Variants in MCU observed in about 807,000 individuals in gnomAD.
The protein encoded by MCU is calcium uniporter protein, mitochondrial.
In MCU, 12 loss-of-function variants were observed where a neutral mutation model predicts 45.2. That is an observed-to-expected ratio of 0.27 (90% CI 0.17 to 0.43). The LOEUF (loss-of-function observed/expected upper bound fraction) is 0.43. Ranked by LOEUF, MCU falls within the 20% of genes least tolerant of loss-of-function variation. The pLI is 1.00. For missense variants in MCU, 324 were observed against 436.7 expected, an observed-to-expected ratio of 0.74 and a Z score of 2.30; for synonymous variants, 160 against 165.1, an observed-to-expected ratio of 0.97 and a Z score of 0.24.
At chr10:72,805,162 TCTC>T (rs1844423791) in intron 1 of MCU, among the ~76,000 whole-genome samples, 2 of 136,130 alleles carry the variant, frequency 1.5e-5, no homozygotes, top group African/African-American at 6.5e-5. Context: ...TTTCTTTCTG[TCTC>T]TCTCTCTCTC....
intron 1 of MCU, among the ~76,000 whole-genome samples, chr10:72,771,116 G>T (rs1843800778): frequency 6.6e-6 from 1 of 152,056 alleles, no homozygotes; most frequent in African/African-American, 2.4e-5. Flanking sequence ...TGTTACATAG[G>T]TATACATGTG....
rs1211545767 is a variant in MCU, at chr10:72,861,048, A to G, written c.496+521A>G. Among the ~76,000 whole-genome samples the G allele has an allele frequency of 3.3e-5, 5 of 152,108 alleles. No homozygotes were observed. The East Asian group carries it at 9.7e-4, about 29-fold the overall frequency. ...TTGTTGTTTTTTGTTTTTTTGAGACAAGATCTCACCCTGTCACCCAGGATG... is the reference window on the plus strand; with the variant it reads ...TTGTTGTTTTTTGTTTTTTTGAGACGAGATCTCACCCTGTCACCCAGGATG... On this transcript the variant is annotated intron_variant, in intron 4 of 7. Transcript: ENST00000373053.
At chr10:72,703,890 A>AAACAACAAC (rs143749981) in intron 1 of MCU, among the ~76,000 whole-genome samples, 1 of 150,782 alleles carries the variant, frequency 6.6e-6, no homozygotes, top group South Asian at 2.1e-4. Context: ...CTCTGTCTCA[A>AAACAACAAC]AACAACAACA....
chr10:72,717,469 G>A (rs1842969056), intron 1 of MCU, among the ~76,000 whole-genome samples: 1 of 152,016 alleles, frequency 6.6e-6, no homozygotes, highest in Admixed American at 6.6e-5. Flanking sequence ...ATGTTGGCCA[G>A]GCTGGTCTCA....
At chr10:72,828,423 G>A (rs1270352051) in intron 1 of MCU, among the ~76,000 whole-genome samples, 8 of 152,170 alleles carry the variant, frequency 5.3e-5, no homozygotes, top group African/African-American at 1.9e-4. Flanking sequence ...TTCTTAAAGG[G>A]AACTAGGTTA....
intron 1 of MCU, chr10:72,766,815 T>A (rs2132730370): frequency 6.6e-6 from 1 of 152,340 alleles, no homozygotes; most frequent in African/African-American, 2.4e-5. Context: ...TTATTCCTTC[T>A]GATTTAAATA....
At chr10:72,733,180 T>G (rs1460785174) in intron 1 of MCU, among the ~76,000 whole-genome samples, 1 of 152,190 alleles carries the variant, frequency 6.6e-6, no homozygotes, top group African/African-American at 2.4e-5. Context: ...ATCTTGAGGC[T>G]GGGCGCAGTG....
intron 3 of MCU, among the ~76,000 whole-genome samples, chr10:72,859,787 TATTTA>T (rs1159989337): frequency 6.6e-6 from 1 of 152,206 alleles, no homozygotes; most frequent in Non-Finnish European, 1.5e-5. Context: ...CCATTTTATG[TATTTA>T]ATTTATTTAT....
chr10:72,806,356 C>T (rs1187894196), intron 1 of MCU, among the ~76,000 whole-genome samples: 1 of 152,044 alleles, frequency 6.6e-6, no homozygotes, highest in Non-Finnish European at 1.5e-5. Context: ...GACGGGGTTT[C>T]TCCATGTTGG....
At chr10:72,753,225 C>T (rs1031321988) in intron 1 of MCU, among the ~76,000 whole-genome samples, 1 of 152,036 alleles carries the variant, frequency 6.6e-6, no homozygotes, top group African/African-American at 2.4e-5. Context: ...TGATTATCTT[C>T]CCTAAAATAA....
intron 6 of MCU, among the ~76,000 whole-genome samples, chr10:72,882,595 C>A (rs964114183): frequency 1.3e-5 from 2 of 152,124 alleles, no homozygotes; most frequent in African/African-American, 4.8e-5. Context: ...AGAGGAAATT[C>A]CCACCTAATA....
In MCU at chr10:72,812,617, A is replaced by G. The variant is rs149587922; in HGVS notation, c.151-21742A>G. Among the ~76,000 whole-genome samples, 297 of 152,316 alleles carry G rather than the reference A, an allele frequency of 1.9e-3. 2 individuals are homozygous for G. The highest frequency in any genetic ancestry group is 6.9e-3 in the Admixed American group (105 of 15,304). Reference sequence around the variant, plus strand: ...CCTCAGGGATGGTCTCTAGTGAGTAATCTTTAGTATTCATTATTGAGATAT... The same window carrying G: ...CCTCAGGGATGGTCTCTAGTGAGTAGTCTTTAGTATTCATTATTGAGATAT... On this transcript the variant is annotated intron_variant, in intron 1 of 7. Coordinates refer to ENST00000373053, the MANE Select transcript of MCU (RefSeq NM_138357.3).
At chr10:72,714,342 G>T (rs1842931376) in intron 1 of MCU, among the ~76,000 whole-genome samples, 2 of 52,776 alleles carry the variant, frequency 3.8e-5, no homozygotes, top group Non-Finnish European at 1.0e-4. Context: ...CCCCCGCCCT[G>T]GTCTTTTTTT....
intron 1 of MCU, chr10:72,715,870 C>T (rs1477161489): frequency 1.0e-6 from 1 of 985,568 alleles, no homozygotes; most frequent in African/African-American, 1.7e-5. Flanking sequence ...GTGATGTGAC[C>T]TGTTCACGCA....
chr10:72,859,544 G>A (rs1026906616), intron 3 of MCU, among the ~76,000 whole-genome samples, 197 bp downstream of exon 3: 8 of 152,210 alleles, frequency 5.3e-5, no homozygotes, highest in East Asian at 3.9e-4. Context: ...ATAATTGATC[G>A]GTTTTAGCAA....
intron 1 of MCU, among the ~76,000 whole-genome samples, chr10:72,791,705 G>GT (rs1181007607): frequency 2.6e-5 from 4 of 151,934 alleles, no homozygotes; most frequent in African/African-American, 9.7e-5. Context: ...TGAATAATTA[G>GT]TAACTGAGTA....
rs1410550968 is a variant in MCU at position 72,733,696 on chromosome 10, TATA to T, written c.150+41396_150+41398del. On this transcript the variant is annotated intron_variant, in intron 1 of 7. Transcript: ENST00000373053. ...TATATGTTTCATATATATATATATA[TATA>T]TATATTTTTTTAAAGAACATTTAGA... Among the ~76,000 whole-genome samples the T allele has an allele frequency of 8.4e-3, 1,222 of 144,754 alleles. 18 individuals carry two copies. The highest frequency in any genetic ancestry group is 0.028 in the African/African-American group (1,103 of 38,974). 95.0% of individuals were successfully genotyped at this position (144,754 alleles called of 152,430 possible). A position where few individuals can be genotyped will look rare whatever the true frequency, so the allele number is the denominator to read the frequency against.
chr10:72,749,700 C>G (rs1341230101), intron 1 of MCU, among the ~76,000 whole-genome samples: 1 of 152,116 alleles, frequency 6.6e-6, no homozygotes, highest in Non-Finnish European at 1.5e-5. Flanking sequence ...AGGTGTTAAG[C>G]TGGACTATCC....
intron 1 of MCU, among the ~76,000 whole-genome samples, chr10:72,742,230 C>CCATA (rs2132698714): frequency 6.6e-6 from 1 of 151,540 alleles, no homozygotes; most frequent in Admixed American, 6.6e-5. Flanking sequence ...ATAGGACATA[C>CCATA]CATATGTCCT....
Sources: allele counts gnomAD v4.1 joint callset (sites outside exome capture counted in the v4.1 genomes callset), GRCh38; gene constraint gnomAD v4.1.1; transcripts MANE v1.5; gene names NCBI Gene and HGNC (gene_info 2026-07-23, HGNC 2026-07-21).